ASS1: variants seen among roughly 807,000 people sequenced by gnomAD.
ASS1 encodes the protein argininosuccinate synthase.
In ASS1, 58 loss-of-function variants were observed where a neutral mutation model predicts 60.5. The observed-to-expected ratio is 0.96, with a 90% CI of 0.78 to 1.19. The LOEUF (loss-of-function observed/expected upper bound fraction) is 1.19. Among genes scored for constraint, ASS1 ranks in the 50% most tolerant of loss-of-function variants. The pLI is 0.00. For synonymous variants in ASS1, 200 were observed against 206.9 expected, an observed-to-expected ratio of 0.97 and a Z score of 0.29; for missense variants, 454 against 547.3, an observed-to-expected ratio of 0.83 and a Z score of 1.70.
At chr9:130,483,262 G>A (rs1423103616) in intron 11 of ASS1, among the ~76,000 whole-genome samples, 2 of 149,788 alleles carry the variant, frequency 1.3e-5, no homozygotes, top group Non-Finnish European at 3.0e-5. Context: ...GCTATTGTCC[G>A]TATCTCGGTG....
intron 1 of ASS1, chr9:130,451,991 C>A: frequency 1.5e-6 from 1 of 665,720 alleles, no homozygotes; most frequent in Non-Finnish European, 2.8e-6. Flanking sequence ...GGACTGCAGT[C>A]AGCATTCCCA....
Position 130,470,862 on chromosome 9 carries a change from C to T in ASS1, c.524C>T (p.Pro175Leu). ...CACGGGATTCCCATCCCGGTCACTC[C>T]CAAGAACCCGTGGAGCATGGATGAG... ...KQHGIPIPVT[P>L]KNPWSMDENL... The change falls in exon 7 of 15, where the codon CCC becomes CTC. Residue 175 changes from proline (P) to leucine (L), a missense_variant. Transcript: ENST00000352480. The surrounding 1 kb of genome is among the most constrained non-coding windows in gnomAD (Gnocchi z 4.3). The T allele has an allele frequency of 1.2e-6, 2 of 1,614,142 alleles. No homozygotes were observed. Among genetic ancestry groups the T allele is most frequent in the Admixed American group, 3.3e-5 (2 of 60,030 alleles).
chr9:130,483,251 T>C (rs1436393056), intron 11 of ASS1, among the ~76,000 whole-genome samples: 2 of 151,874 alleles, frequency 1.3e-5, no homozygotes, highest in Non-Finnish European at 2.9e-5. Flanking sequence ...AACAGAAAGA[T>C]GCTATTGTCC....
intron 8 of ASS1, among the ~76,000 whole-genome samples, chr9:130,475,747 T>TTG (rs1845997923): frequency 6.7e-6 from 1 of 149,984 alleles, no homozygotes; most frequent in Non-Finnish European, 1.5e-5. Context: ...AGGTGTTTTT[T>TTG]TTTTTTTTTT....
In ASS1 at chr9:130,491,240, G is replaced by A. The variant is rs1200414622; in HGVS notation, c.970+1776G>A. 6.6e-6 allele frequency among the ~76,000 whole-genome samples: 1 copy of A among 152,144 alleles called. No individual in the cohort carries two copies. The highest frequency in any genetic ancestry group is 2.4e-5 in the African/African-American group (1 of 41,426). On this transcript the variant is annotated intron_variant, in intron 12 of 14. Coordinates refer to ENST00000352480, the MANE Select transcript of ASS1 (RefSeq NM_054012.4). The surrounding 1 kb of genome is among the most constrained non-coding windows in gnomAD (Gnocchi z 5.3). Reference sequence around the variant, plus strand: ...TGTCTCCTGCAGGCTTTCCAGCCCGGCGGGATTGCGACCCCGAAAGGAGGA... The same window carrying A: ...TGTCTCCTGCAGGCTTTCCAGCCCGACGGGATTGCGACCCCGAAAGGAGGA...
At chr9:130,469,479 C>T (rs1845821063) in intron 6 of ASS1, among the ~76,000 whole-genome samples, 1 of 151,962 alleles carries the variant, frequency 6.6e-6, no homozygotes, top group African/African-American at 2.4e-5. Context: ...GGCACTATCT[C>T]AGCTCACTGC....
rs1188165634 is a variant in ASS1 at position 130,491,363 on chromosome 9, G to T, written c.970+1899G>T. On this transcript the variant is annotated intron_variant, in intron 12 of 14. Coordinates refer to ENST00000352480, the MANE Select transcript of ASS1 (RefSeq NM_054012.4). This position sits in a 1 kb window ranked among gnomAD's most constrained non-coding sequence, Gnocchi z 5.3. The stretch of plus-strand genomic sequence containing the variant: ...CTCCACGGAGGCTGATCCCACCGTG[G>T]CCGCGGCCACGGCTGCCACTTATCC... Among the ~76,000 whole-genome samples, 2 of 152,148 alleles carry T rather than the reference G, an allele frequency of 1.3e-5. No individual in the cohort carries two copies. The highest frequency in any genetic ancestry group is 2.4e-5 in the African/African-American group (1 of 41,438).
intron 13 of ASS1, among the ~76,000 whole-genome samples, chr9:130,498,013 A>C (rs1393426345): frequency 6.6e-6 from 1 of 151,634 alleles, no homozygotes; most frequent in Admixed American, 6.6e-5. Flanking sequence ...GGTGTGGAGG[A>C]GGGAGGAAGG....
chr9:130,454,283 C>G, intron 2 of ASS1, 22 bp from the exon 3 acceptor site: 4 of 1,605,940 alleles, frequency 2.5e-6, no homozygotes, highest in Non-Finnish European at 3.4e-6. Context: ...GCTGACGGAG[C>G]CTCTCCGCTT....
chr9:130,500,861 A>G (rs907270203), intron 14 of ASS1, 115 bp from the exon 15 acceptor site: 7 of 1,124,804 alleles, frequency 6.2e-6, no homozygotes, highest in Non-Finnish European at 9.3e-6. Context: ...GCAACTTCAC[A>G]CACATCTTAA....
intron 14 of ASS1, among the ~76,000 whole-genome samples, chr9:130,500,491 A>G (rs1846723514): frequency 6.6e-6 from 1 of 151,898 alleles, no homozygotes; most frequent in Admixed American, 6.6e-5. Context: ...TGCTAACAAC[A>G]TGCCCTGGGC....
chr9:130,472,599 C>T (rs1262704367), intron 8 of ASS1, among the ~76,000 whole-genome samples: 1 of 152,202 alleles, frequency 6.6e-6, no homozygotes, highest in Admixed American at 6.5e-5. Context: ...CTACTGCCCA[C>T]GGCCCCTCCC....
Position 130,491,914 on chromosome 9 carries a change from T to G in ASS1, c.970+2450T>G, listed in dbSNP as rs1373632161. On this transcript the variant is annotated intron_variant, in intron 12 of 14. Coordinates refer to ENST00000352480, the MANE Select transcript of ASS1 (RefSeq NM_054012.4). This position sits in a 1 kb window ranked among gnomAD's most constrained non-coding sequence, Gnocchi z 5.3. ...CGGGCAGCAGGCTGACCCCCACAGC[T>G]CAGAGGGCCTGTTTGATGCGATTTT... Among the ~76,000 whole-genome samples, 1 of 152,050 alleles carries G rather than the reference T, an allele frequency of 6.6e-6. No homozygotes were observed. The highest frequency in any genetic ancestry group is 1.5e-5 in the Non-Finnish European group (1 of 68,006).
chr9:130,480,042 G>A (rs1012730066), intron 10 of ASS1: 6 of 693,022 alleles, frequency 8.7e-6, no homozygotes, highest in Middle Eastern at 3.1e-4. Flanking sequence ...GGGATCATTA[G>A]GCCGGGGCTC....
intron 13 of ASS1, among the ~76,000 whole-genome samples, chr9:130,496,877 C>T (rs1251297412): frequency 2.0e-5 from 3 of 152,258 alleles, no homozygotes; most frequent in Admixed American, 6.5e-5. Context: ...CGTGGGTCCC[C>T]TAAGGCCCAG....
intron 13 of ASS1, among the ~76,000 whole-genome samples, chr9:130,495,822 T>A (rs1846587867): frequency 6.6e-6 from 1 of 152,010 alleles, no homozygotes; most frequent in Non-Finnish European, 1.5e-5. Context: ...GGGATTGAAA[T>A]GACTTGGATG....
At chr9:130,467,724 T>C (rs1389207676) in intron 6 of ASS1, among the ~76,000 whole-genome samples, 1 of 152,194 alleles carries the variant, frequency 6.6e-6, no homozygotes, top group Non-Finnish European at 1.5e-5. Context: ...GGGAGCCGGG[T>C]TGGTGAGGTT....
rs1005812524 is a variant in ASS1, at chr9:130,449,424, CTGTTTCTGTGGAGCTGCCCCTCCG to C, written c.-5-2781_-5-2758del. On this transcript the variant is annotated intron_variant, in intron 1 of 14. Coordinates refer to ENST00000352480, the MANE Select transcript of ASS1 (RefSeq NM_054012.4). ...CACTGAGGCGATGCAGGTGATCCAGCTGTTTCTGTGGAGCTGCCCCTCCGTGTTTCTGTGGAGCTGCCTCTCTTG... is the reference window on the plus strand; with the variant it reads ...CACTGAGGCGATGCAGGTGATCCAGCTGTTTCTGTGGAGCTGCCTCTCTTG... 1.7e-4 allele frequency among the ~76,000 whole-genome samples: 26 copies of C among 151,426 alleles called. No homozygotes were observed. In the East Asian group the frequency reaches 2.3e-3, roughly 14 times the overall value.
chr9:130,448,151 A>G (rs73657381), intron 1 of ASS1, among the ~76,000 whole-genome samples: 1,843 of 151,934 alleles, frequency 0.012, 50 homozygotes, highest in African/African-American at 0.042. Context: ...CGGGCTGCAA[A>G]TGCAGCTTAG....
Sources: gnomAD v4.1 joint callset for allele counts (sites outside exome capture counted in the v4.1 genomes callset) on GRCh38, gnomAD v4.1.1 for gene constraint, Gnocchi (gnomAD v3.1) non-coding constraint, MANE v1.5 for transcripts, NCBI Gene and HGNC (gene_info 2026-07-23, HGNC 2026-07-21) for gene names.